Variants in CNGB1 observed in about 807,000 individuals in gnomAD.
The protein encoded by CNGB1 is cyclic nucleotide gated channel subunit beta 1, also known as cyclic nucleotide-gated channel beta-1.
A neutral mutation model predicts 151.7 loss-of-function variants in CNGB1; 126 were observed. That is an observed-to-expected ratio of 0.83 (90% CI 0.72 to 0.96). The LOEUF (loss-of-function observed/expected upper bound fraction) is 0.96. CNGB1 is among the 40% of genes least tolerant of loss of function. The pLI is 0.00. For missense variants in CNGB1, 1,698 were observed against 1,627.0 expected, an observed-to-expected ratio of 1.04 and a Z score of -0.75; for synonymous variants, 623 against 635.1, an observed-to-expected ratio of 0.98 and a Z score of 0.29.
intron 21 of CNGB1, 63 bp from the exon 22 acceptor site, chr16:57,916,242 C>T: frequency 6.6e-7 from 1 of 1,519,752 alleles, no homozygotes; most frequent in South Asian, 1.1e-5. Flanking sequence ...CCCTGTGGAG[C>T]AATTGTGAAA....
intron 31 of CNGB1, among the ~76,000 whole-genome samples, chr16:57,893,102 C>G (rs1384844167): frequency 6.6e-6 from 1 of 152,168 alleles, no homozygotes; most frequent in Non-Finnish European, 1.5e-5. Flanking sequence ...ATTATGACAG[C>G]TCTCTGTGCA....
chr16:57,962,824 C>A lies in CNGB1; in HGVS notation c.412+18G>T, dbSNP rs1197080417. 8 of 1,612,754 alleles carry A rather than the reference C, an allele frequency of 5.0e-6. No homozygotes were observed. Among genetic ancestry groups the A allele is most frequent in the Non-Finnish European group, 6.8e-6 (8 of 1,180,002 alleles). On this transcript the variant is annotated intron_variant, in intron 6 of 32. Coordinates refer to ENST00000251102, the MANE Select transcript of CNGB1 (RefSeq NM_001297.5). The stretch of plus-strand genomic sequence containing the variant: ...CTCAGCCCTGCTGCTGAAAAGCCAT[C>A]CTGCCCCTTGTTCTTACCTGTGTCC...
intron 16 of CNGB1, 39 bp from the exon 17 acceptor site, chr16:57,931,917 C>T: frequency 1.2e-6 from 2 of 1,611,116 alleles, no homozygotes; most frequent in Non-Finnish European, 1.7e-6. Context: ...CAGAGAGAGA[C>T]AAAAGCTGGG....
intron 14 of CNGB1, among the ~76,000 whole-genome samples, chr16:57,947,961 G>T (rs1038391474): frequency 1.2e-4 from 18 of 152,218 alleles, no homozygotes; most frequent in African/African-American, 4.3e-4. Context: ...AGTGGAGTTG[G>T]CGTTTCTGAT....
chr16:57,930,185 T>A lies in CNGB1; in HGVS notation c.1535+1531A>T, dbSNP rs141488378. ...GGCCAAGAGATGGAAACAATATAAATGTCCATCAACAGATAAATAAAGAAA... is the reference window on the plus strand; with the variant it reads ...GGCCAAGAGATGGAAACAATATAAAAGTCCATCAACAGATAAATAAAGAAA... On this transcript the variant is annotated intron_variant, in intron 17 of 32. Transcript: ENST00000251102. 7.2e-3 allele frequency among the ~76,000 whole-genome samples: 1,099 copies of A among 152,174 alleles called. 17 individuals are homozygous for A. The highest frequency in any genetic ancestry group is 0.024 in the African/African-American group (1,003 of 41,532).
intron 12 of CNGB1, chr16:57,954,632 CT>C: frequency 9.3e-6 from 9 of 965,124 alleles, no homozygotes; most frequent in Non-Finnish European, 1.1e-5. Flanking sequence ...CTAAACCCTT[CT>C]TTTAGCTTTA....
At chr16:57,951,764 C>G (rs1307245982) in intron 12 of CNGB1, among the ~76,000 whole-genome samples, 1 of 152,174 alleles carries the variant, frequency 6.6e-6, no homozygotes, top group Non-Finnish European at 1.5e-5. Context: ...GTTTTTCTCC[C>G]CATTTTACAG....
intron 31 of CNGB1, 96 bp downstream of exon 31, chr16:57,897,301 C>CA (rs397944283): frequency 0.086 from 89,729 of 1,041,308 alleles, 912 homozygotes; most frequent in African/African-American, 0.27. Context: ...GATGTCATCT[C>CA]AAAAAAAAAA....
chr16:57,888,192 T>C (rs1596946209), intron 31 of CNGB1, 118 bp from the exon 32 acceptor site: 7 of 1,074,742 alleles, frequency 6.5e-6, no homozygotes, highest in African/African-American at 1.6e-5. Flanking sequence ...GGCTGGTGAT[T>C]GTAGAGAGTT....
At chr16:57,919,075 G>A in intron 20 of CNGB1, 24 bp downstream of exon 20, 1 of 1,614,104 alleles carries the variant, frequency 6.2e-7, no homozygotes, top group South Asian at 1.1e-5. Flanking sequence ...TACACAGTGG[G>A]AACACCCATT....
intron 18 of CNGB1, among the ~76,000 whole-genome samples, chr16:57,922,678 C>T (rs1297823177): frequency 6.6e-6 from 1 of 152,032 alleles, no homozygotes; most frequent in African/African-American, 2.4e-5. Flanking sequence ...ATCCGCCCAC[C>T]TCAGCCTTCC....
intron 17 of CNGB1, among the ~76,000 whole-genome samples, chr16:57,927,554 C>T (rs1387599275): frequency 1.3e-5 from 2 of 152,232 alleles, no homozygotes; most frequent in Non-Finnish European, 2.9e-5. Context: ...CAGGCCCCTG[C>T]CAGGCTTCTC....
At chr16:57,895,550 T>C in intron 31 of CNGB1, among the ~76,000 whole-genome samples, 1 of 147,418 alleles carries the variant, frequency 6.8e-6, no homozygotes, top group East Asian at 1.9e-4. Context: ...ATATGTATTT[T>C]TTATATATAT....
chr16:57,904,467 C>T (rs1382146628), intron 26 of CNGB1, among the ~76,000 whole-genome samples: 10 of 152,174 alleles, frequency 6.6e-5, no homozygotes, highest in South Asian at 6.2e-4. Flanking sequence ...GCTTCTCCCT[C>T]GGTCTCTGCA....
intron 17 of CNGB1, among the ~76,000 whole-genome samples, chr16:57,930,259 G>A (rs1004285673): frequency 6.6e-6 from 1 of 152,102 alleles, no homozygotes; most frequent in Non-Finnish European, 1.5e-5. Flanking sequence ...CACTTTGGGA[G>A]GCTAAGGCAG....
At position 57,884,402 on chromosome 16, in the gene CNGB1, T is replaced by C; in HGVS notation, c.3518A>G (p.His1173Arg). 1 of 1,613,268 alleles carries C rather than the reference T, an allele frequency of 6.2e-7. No individual in the cohort carries two copies. Residue 1173 changes from histidine to arginine, a missense_variant, in exon 33 of 33, where the codon CAC (histidine) becomes CGC (arginine). Transcript: ENST00000251102. ...GEEGSAAPDQ[H>R]THPKEAATDP... ...GGTGGCGGCCTCCTTTGGGTGCGTG[T>C]GCTGGTCTGGGGCGGCGGAGCCTTC...
At chr16:57,887,754 G>T in intron 32 of CNGB1, 101 bp downstream of exon 32, 1 of 1,109,626 alleles carries the variant, frequency 9.0e-7, no homozygotes, top group Non-Finnish European at 1.4e-6. Context: ...GGAGGGGGAA[G>T]ACCCTAAAAC....
At chr16:57,936,433 G>A (rs986558449) in intron 16 of CNGB1, among the ~76,000 whole-genome samples, 1 of 152,178 alleles carries the variant, frequency 6.6e-6, no homozygotes, top group Non-Finnish European at 1.5e-5. Flanking sequence ...TTAAACTAAG[G>A]TTTATAAGGT....
chr16:57,928,456 A>T (rs1345981709), intron 17 of CNGB1, among the ~76,000 whole-genome samples: 1 of 152,206 alleles, frequency 6.6e-6, no homozygotes, highest in African/African-American at 2.4e-5. Context: ...CAATATGGAA[A>T]AGGGTTCATG....
Sources: allele counts gnomAD v4.1 joint callset (sites outside exome capture counted in the v4.1 genomes callset), GRCh38; gene constraint gnomAD v4.1.1; transcripts MANE v1.5; gene names NCBI Gene and HGNC (gene_info 2026-07-23, HGNC 2026-07-21).